ACSF3: variants seen among roughly 807,000 people sequenced by gnomAD.
ACSF3 encodes malonate--CoA ligase ACSF3, mitochondrial.
ACSF3 carries 78 observed loss-of-function variants against 53.2 expected under a neutral mutation model. The observed-to-expected ratio is 1.47, with a 90% CI of 1.22 to 1.77. The LOEUF (loss-of-function observed/expected upper bound fraction) is 1.77. Ranked by LOEUF, ACSF3 falls within the 40% of genes most tolerant of loss-of-function variation. The pLI, the probability that ACSF3 is intolerant of heterozygous loss-of-function variation, is 0.00. For missense variants in ACSF3, 937 were observed against 771.1 expected, an observed-to-expected ratio of 1.22 and a Z score of -2.55; for synonymous variants, 414 against 333.1, an observed-to-expected ratio of 1.24 and a Z score of -2.65.
In ACSF3 at chr16:89,102,725, C is replaced by G. The variant is rs1975498120; in HGVS notation, c.788C>G (p.Thr263Ser). 2.5e-6 allele frequency: 4 copies of G among 1,612,896 alleles called. No individual in the cohort carries two copies. The highest frequency in any genetic ancestry group is 1.7e-5 in the Admixed American group (1 of 59,984). The stretch of plus-strand genomic sequence containing the variant: ...CTCTGTCCTCTCTGGGTGGGAGCCA[C>G]CTGTGTGATGATGCCTGAGTTCAGC... ...ALLCPLWVGA[T>S]CVMMPEFSPQ... The change falls in exon 4 of 11, where the codon ACC (threonine) becomes AGC (serine). Residue 263 changes from threonine to serine, a missense_variant. Transcript: ENST00000614302.
At chr16:89,150,825 G>A (rs1296661876) in intron 10 of ACSF3, 1 of 444,796 alleles carries the variant, frequency 2.2e-6, no homozygotes, top group Non-Finnish European at 3.8e-6. Flanking sequence ...CCTGAGTCCT[G>A]CTTGCTGTGC....
At chr16:89,109,106 C>G (rs1441920514) in intron 4 of ACSF3, among the ~76,000 whole-genome samples, 1 of 151,708 alleles carries the variant, frequency 6.6e-6, no homozygotes, top group Non-Finnish European at 1.5e-5. Context: ...GTGGTTCACA[C>G]CTGTAATCCC....
chr16:89,144,710 G>A (rs888412983), intron 8 of ACSF3, among the ~76,000 whole-genome samples: 8 of 152,338 alleles, frequency 5.3e-5, no homozygotes, highest in East Asian at 3.9e-4. Context: ...CAGGGGCTCC[G>A]TCTGGGGGCC....
chr16:89,114,596 G>A, intron 6 of ACSF3, 109 bp downstream of exon 6: 2 of 1,523,620 alleles, frequency 1.3e-6, no homozygotes, highest in South Asian at 1.1e-5. Flanking sequence ...CATGGAGGAT[G>A]CTCCCCCGTG....
In ACSF3 at chr16:89,100,718, G is replaced by A. The variant is rs752913078; in HGVS notation, c.37G>A (p.Gly13Ser). ...TGTGGTGCTCACCTTCCGGCGCCTG[G>A]GCTGCGCCTTGGCGTCCTGCCGGCT... ...PHVVLTFRRL[G>S]CALASCRLAP... The change falls in exon 3 of 11, where the codon GGC becomes AGC. Residue 13 changes from glycine to serine, a missense_variant. Coordinates refer to ENST00000614302, the MANE Select transcript of ACSF3 (RefSeq NM_001243279.3). 1 of 1,602,596 alleles carries A rather than the reference G, an allele frequency of 6.2e-7. No homozygotes were observed. Among genetic ancestry groups the A allele is most frequent in the South Asian group, 1.1e-5 (1 of 91,050 alleles).
At chr16:89,119,527 A>G (rs1388990035) in intron 6 of ACSF3, among the ~76,000 whole-genome samples, 2 of 152,056 alleles carry the variant, frequency 1.3e-5, no homozygotes, top group African/African-American at 2.4e-5. Flanking sequence ...ATGGGAAGTC[A>G]TGTGTTATGC....
chr16:89,145,313 G>A lies in ACSF3; in HGVS notation c.1413G>A (p.Arg471=). The part of the protein sequence containing the change: ...FKDGQYWIRG[R]TSVDIIKTGG... Reference sequence around the variant, plus strand: ...ATGGCCAGTACTGGATCCGAGGCCGGACCTCAGTGGACATCATCAAGACTG... The same window carrying A: ...ATGGCCAGTACTGGATCCGAGGCCGAACCTCAGTGGACATCATCAAGACTG... The change falls in exon 9 of 11, where the codon CGG becomes CGA. Residue 471 remains arginine, a synonymous_variant. Coordinates refer to ENST00000614302, the MANE Select transcript of ACSF3 (RefSeq NM_001243279.3). 6.2e-7 allele frequency: 1 copy of A among 1,614,164 alleles called. No homozygotes were observed. Among genetic ancestry groups the A allele is most frequent in the East Asian group, 2.2e-5 (1 of 44,874 alleles).
In ACSF3 at chr16:89,112,133, T is replaced by C. The variant is rs762523304; in HGVS notation, c.864T>C (p.Asn288=). ...TAAGTTCTGAAACGCCGCGGATCAA[T>C]GTCTTTATGGCAGTGCCTACAATAT... ...KFLSSETPRI[N]VFMAVPTIYT... Residue 288 remains asparagine, a synonymous_variant, in exon 5 of 11, where the codon AAT becomes AAC. Transcript: ENST00000614302. The C allele has an allele frequency of 6.2e-7, 1 of 1,614,262 alleles. No homozygotes were observed. The highest frequency in any genetic ancestry group is 2.2e-5 in the East Asian group (1 of 44,890).
At chr16:89,141,154 C>T in intron 8 of ACSF3, 2 of 1,287,280 alleles carry the variant, frequency 1.6e-6, no homozygotes, top group Non-Finnish European at 2.0e-6. Flanking sequence ...CCGACCCGCT[C>T]TTGCTTGGCT....
At chr16:89,112,919 C>G (rs761713642) in intron 5 of ACSF3, among the ~76,000 whole-genome samples, 2 of 152,246 alleles carry the variant, frequency 1.3e-5, no homozygotes, top group Non-Finnish European at 2.9e-5. Context: ...CTTTTCCTCT[C>G]AGCCCCGCTC....
At chr16:89,107,280 T>C (rs1976104580) in intron 4 of ACSF3, among the ~76,000 whole-genome samples, 1 of 152,164 alleles carries the variant, frequency 6.6e-6, no homozygotes, top group Admixed American at 6.5e-5. Flanking sequence ...AAGATTTGGA[T>C]GAATTCCAAG....
intron 8 of ACSF3, 76 bp from the exon 9 acceptor site, chr16:89,145,191 T>A (rs566026050): frequency 3.1e-6 from 5 of 1,613,406 alleles, no homozygotes; most frequent in Non-Finnish European, 4.2e-6. Flanking sequence ...GACGGCCAGT[T>A]AACCAGAGCC....
chr16:89,145,472 G>A (rs918112043), intron 9 of ACSF3, 71 bp downstream of exon 9: 141 of 1,577,792 alleles, frequency 8.9e-5, no homozygotes, highest in Middle Eastern at 3.9e-4. Context: ...AGTTTTAGAC[G>A]ACTGCAGATG....
intron 4 of ACSF3, among the ~76,000 whole-genome samples, chr16:89,104,168 C>T (rs555985715): frequency 2.6e-4 from 40 of 152,332 alleles, no homozygotes; most frequent in East Asian, 7.7e-4. Context: ...CAGAGCCCTC[C>T]GGTGAGGCCA....
intron 7 of ACSF3, among the ~76,000 whole-genome samples, chr16:89,123,290 G>A (rs1306181888): frequency 6.6e-6 from 1 of 152,204 alleles, no homozygotes; most frequent in Non-Finnish European, 1.5e-5. Flanking sequence ...ACCAGGTGAT[G>A]ATGGGCGCTG....
At chr16:89,105,733 G>T (rs1051878399) in intron 4 of ACSF3, among the ~76,000 whole-genome samples, 2 of 152,248 alleles carry the variant, frequency 1.3e-5, no homozygotes, top group African/African-American at 4.8e-5. Flanking sequence ...AGGCAGCAAC[G>T]GCCATTGTCG....
In ACSF3 at chr16:89,114,395, A is replaced by G; in HGVS notation, c.1034A>G (p.Asn345Ser). Residue 345 changes from asparagine to serine, a missense_variant, in exon 6 of 11, where the codon AAC becomes AGC. Coordinates refer to ENST00000614302, the MANE Select transcript of ACSF3 (RefSeq NM_001243279.3). ...CTCCCAGTGCTGGAGAAGTGGAAGA[A>G]CATCACGGGCCACACCCTGCTGGAG... ...LPLPVLEKWK[N>S]ITGHTLLERY... 1 of 1,614,060 alleles carries G rather than the reference A, an allele frequency of 6.2e-7. No homozygotes were observed. Among genetic ancestry groups the G allele is most frequent in the Non-Finnish European group, 8.5e-7 (1 of 1,180,032 alleles).
chr16:89,146,212 G>A (rs935885372), intron 10 of ACSF3, among the ~76,000 whole-genome samples, 163 bp downstream of exon 10: 1 of 152,204 alleles, frequency 6.6e-6, no homozygotes, highest in African/African-American at 2.4e-5. Context: ...CACACAGCAG[G>A]TAGAGACGAG....
At chr16:89,117,542 G>A (rs566680625) in intron 6 of ACSF3, among the ~76,000 whole-genome samples, 2 of 150,684 alleles carry the variant, frequency 1.3e-5, no homozygotes, top group South Asian at 2.1e-4. Flanking sequence ...GGAGCAGCCC[G>A]GGGACTGCTG....
Sources: gnomAD v4.1 joint callset for allele counts (sites outside exome capture counted in the v4.1 genomes callset) on GRCh38, gnomAD v4.1.1 for gene constraint, MANE v1.5 for transcripts, NCBI Gene and HGNC (gene_info 2026-07-23, HGNC 2026-07-21) for gene names.